SP140L: variants seen among roughly 807,000 people sequenced by gnomAD.
SP140L encodes nuclear body protein SP140-like protein.
Under a neutral mutation model 84.3 loss-of-function variants are expected in SP140L, and 64 were observed. The observed-to-expected ratio is 0.76, with a 90% confidence interval of 0.62 to 0.94. The LOEUF (loss-of-function observed/expected upper bound fraction) is 0.94. Among genes scored for constraint, SP140L ranks in the 40% least tolerant of loss-of-function variants. The pLI, the probability that SP140L is intolerant of heterozygous loss-of-function variation, is 0.00. For missense variants in SP140L, 628 were observed against 692.5 expected (o/e 0.91, Z 1.05); for synonymous variants, 242 against 236.9 (o/e 1.02, Z -0.20).
At chr2:230,360,443 A>G (rs2060680106) in intron 4 of SP140L, among the ~76,000 whole-genome samples, 1 of 152,256 alleles carries the variant, frequency 6.6e-6, no homozygotes, top group East Asian at 1.9e-4. Context: ...GTTAATACTA[A>G]CAATATCTAG....
intron 2 of SP140L, among the ~76,000 whole-genome samples, chr2:230,333,315 C>G (rs955553328): frequency 6.6e-6 from 1 of 151,996 alleles, no homozygotes; most frequent in Non-Finnish European, 1.5e-5. Flanking sequence ...CCCACCACCA[C>G]GTCTGGCTAA....
chr2:230,355,422 T>C (rs2060512464), intron 2 of SP140L, among the ~76,000 whole-genome samples: 1 of 152,204 alleles, frequency 6.6e-6, no homozygotes, highest in Non-Finnish European at 1.5e-5. Flanking sequence ...TCTAAATAAG[T>C]GGAGAAGCAA....
rs530461792 is a variant in SP140L, at chr2:230,335,652, G to T, written c.107+6821G>T. Reference sequence around the variant, plus strand: ...TTTTGAGGCTTTGCCACATTTGAAAGGCAATATAATGTAATGATTAAGAGT... The same window carrying T: ...TTTTGAGGCTTTGCCACATTTGAAATGCAATATAATGTAATGATTAAGAGT... On this transcript the variant is annotated intron_variant, in intron 2 of 18. Transcript: ENST00000415673. Among the ~76,000 whole-genome samples, 10 of 152,258 alleles carry T rather than the reference G, an allele frequency of 6.6e-5. No individual in the cohort carries two copies. In the East Asian group the frequency reaches 1.5e-3, roughly 23 times the overall value.
intron 2 of SP140L, among the ~76,000 whole-genome samples, chr2:230,356,761 T>G (rs528627534): frequency 4.0e-4 from 61 of 152,332 alleles, no homozygotes; most frequent in African/African-American, 1.4e-3. Context: ...TACCTACTAT[T>G]GCAACTAGCA....
intron 4 of SP140L, 70 bp from the exon 5 acceptor site, chr2:230,361,544 G>T: frequency 8.1e-7 from 1 of 1,232,032 alleles, no homozygotes; most frequent in Non-Finnish European, 1.2e-6. Context: ...ATTCCTAAAA[G>T]CCAATTTCCA....
chr2:230,383,721 AG>A (rs1181217465), intron 8 of SP140L, 146 bp downstream of exon 8: 1 of 725,960 alleles, frequency 1.4e-6, no homozygotes, highest in Non-Finnish European at 2.1e-6. Context: ...GCTGTGACAA[AG>A]AGGCCTGAGA....
rs1357738880 is a variant in SP140L at position 230,400,180 on chromosome 2, T to A, written c.1251T>A (p.Cys417Ter). ...GCCGGGACGGAGGGGAGCTGTTCTGTTGCGACACTTGTTCAAGAGTCTTCC... is the reference window on the plus strand; with the variant it reads ...GCCGGGACGGAGGGGAGCTGTTCTGATGCGACACTTGTTCAAGAGTCTTCC... ...EVCRDGGELF[C>*]CDTCSRVFHE... Residue 417 changes from cysteine (C) to a stop codon, truncating the protein, a stop_gained, in exon 15 of 19, where the codon TGT becomes TGA. Coordinates refer to ENST00000415673, the MANE Select transcript of SP140L (RefSeq NM_138402.6). LOFTEE classifies it high-confidence loss of function. The A allele has an allele frequency of 4.3e-6, 7 of 1,614,062 alleles. No homozygotes were observed. The Admixed American group carries it at 1.0e-4, about 23-fold the overall frequency.
At chr2:230,377,776 C>T (rs2061290499) in intron 7 of SP140L, among the ~76,000 whole-genome samples, 1 of 152,170 alleles carries the variant, frequency 6.6e-6, no homozygotes, top group Non-Finnish European at 1.5e-5. Context: ...TGTGAAGCTT[C>T]TCATTGCTCC....
At chr2:230,342,186 A>G (rs551850405) in intron 2 of SP140L, 63 of 162,920 alleles carry the variant, frequency 3.9e-4, no homozygotes, top group African/African-American at 1.4e-3. Flanking sequence ...GTGGGATATA[A>G]TCTCGTGGTG....
intron 11 of SP140L, 144 bp from the exon 12 acceptor site, chr2:230,391,943 C>T: frequency 8.5e-7 from 1 of 1,177,636 alleles, no homozygotes. Context: ...TTTGGGGCCT[C>T]TGAAGTCTGA....
intron 18 of SP140L, among the ~76,000 whole-genome samples, chr2:230,402,476 G>A (rs2062393549): frequency 6.6e-6 from 1 of 152,226 alleles, no homozygotes; most frequent in Non-Finnish European, 1.5e-5. Context: ...ATGTTACTTA[G>A]GGTGTTTAAG....
intron 13 of SP140L, 147 bp from the exon 14 acceptor site, chr2:230,396,610 C>T: frequency 1.1e-6 from 1 of 871,296 alleles, no homozygotes; most frequent in Non-Finnish European, 1.7e-6. Context: ...TGGAGCCACC[C>T]CAGCCTACTG....
chr2:230,346,268 C>T (rs929557839), intron 2 of SP140L, among the ~76,000 whole-genome samples: 1 of 152,058 alleles, frequency 6.6e-6, no homozygotes, highest in Admixed American at 6.6e-5. Flanking sequence ...CTTATGAGGG[C>T]TCCATTTTTT....
intron 2 of SP140L, among the ~76,000 whole-genome samples, chr2:230,330,478 G>T (rs1216011549): frequency 6.6e-6 from 1 of 152,080 alleles, no homozygotes; most frequent in Non-Finnish European, 1.5e-5. Flanking sequence ...CTTAAACTTT[G>T]GGTTCCCAAA....
intron 2 of SP140L, among the ~76,000 whole-genome samples, chr2:230,342,381 C>T (rs549327594): frequency 3.3e-5 from 5 of 152,214 alleles, no homozygotes; most frequent in Admixed American, 6.5e-5. Flanking sequence ...CACTGACCTG[C>T]GCCCACTGTC....
At chr2:230,373,609 T>A (rs368828691) in intron 7 of SP140L, among the ~76,000 whole-genome samples, 1 of 152,212 alleles carries the variant, frequency 6.6e-6, no homozygotes, top group East Asian at 1.9e-4. Context: ...AAAATATCAC[T>A]GTTCATTGAC....
At chr2:230,385,162 C>A (rs2061532346) in intron 8 of SP140L, 62 bp from the exon 9 acceptor site, 2 of 1,554,450 alleles carry the variant, frequency 1.3e-6, no homozygotes, top group South Asian at 1.1e-5. Flanking sequence ...TGCGTTTGGT[C>A]CAGCCTGTGA....
rs1192634063 is a variant in SP140L at position 230,355,069 on chromosome 2, ACTT to A, written c.108-2730_108-2728del. Among the ~76,000 whole-genome samples the A allele has an allele frequency of 2.0e-4, 30 of 152,262 alleles. No individual in the cohort carries two copies. The East Asian group carries it at 4.8e-3, about 24-fold the overall frequency. On this transcript the variant is annotated intron_variant, in intron 2 of 18. Coordinates refer to ENST00000415673, the MANE Select transcript of SP140L (RefSeq NM_138402.6). ...AAATAAGACAAGGAAGTTGTCTCTC[ACTT>A]CTTCTCTTCAACATCGTATTTAAAC...
At chr2:230,337,946 T>G (rs1274851388) in intron 2 of SP140L, among the ~76,000 whole-genome samples, 5 of 151,556 alleles carry the variant, frequency 3.3e-5, no homozygotes, top group Admixed American at 6.6e-5. Context: ...CCAGCTTTGT[T>G]CTTTTGGCTT....
Sources: gnomAD v4.1 joint callset for allele counts (sites outside exome capture counted in the v4.1 genomes callset) on GRCh38, gnomAD v4.1.1 for gene constraint, MANE v1.5 for transcripts, NCBI Gene and HGNC (gene_info 2026-07-23, HGNC 2026-07-21) for gene names.